TSG101: variants seen among roughly 807,000 people sequenced by gnomAD.
TSG101 encodes tumor susceptibility 101, also known as tumor susceptibility gene 101 protein.
In TSG101, 19 loss-of-function variants were observed where a neutral mutation model predicts 48.5. The ratio of observed to expected loss-of-function variants is 0.39; its 90% CI spans 0.27 to 0.58. The LOEUF (loss-of-function observed/expected upper bound fraction) is 0.58, where lower values mean the gene tolerates loss of function less well. Ranked by LOEUF, TSG101 falls within the 20% of genes least tolerant of loss-of-function variation. The pLI is 0.55. For synonymous variants in TSG101, 174 were observed against 169.4 expected (o/e 1.03, Z -0.21); for missense variants, 365 against 484.4 (o/e 0.75, Z 2.31).
At chr11:18,499,269 ATATATTTATATATATCATATATATT>A (rs1198879768) in intron 7 of TSG101, among the ~76,000 whole-genome samples, 8 of 131,074 alleles carry the variant, frequency 6.1e-5, no homozygotes, top group African/African-American at 1.7e-4. Flanking sequence ...TATATTTTAT[ATATATTTATATATATCATATATATT>A]TATATTTATA....
chr11:18,491,329 GC>G (rs1348368521), intron 7 of TSG101, among the ~76,000 whole-genome samples: 2 of 152,132 alleles, frequency 1.3e-5, no homozygotes, highest in African/African-American at 4.8e-5. Context: ...ATAGGTAACA[GC>G]TCAACCTCTG....
intron 7 of TSG101, among the ~76,000 whole-genome samples, chr11:18,498,465 T>C (rs905594612): frequency 6.6e-6 from 1 of 152,160 alleles, no homozygotes; most frequent in African/African-American, 2.4e-5. Context: ...GCACTGGATA[T>C]GATCAGATTC....
At position 18,516,037 on chromosome 11, in the gene TSG101, T is replaced by C. The variant is rs917777432; in HGVS notation, c.193+62A>G. 24 of 1,455,346 alleles carry C rather than the reference T, an allele frequency of 1.6e-5. No homozygotes were observed. The African/African-American group carries it at 2.7e-4, about 16-fold the overall frequency. 90.2% of individuals were successfully genotyped at this position (1,455,346 alleles called of 1,614,324 possible). ...TAGGTTTAATTTGGTTATAACTCTT[T>C]GGCAACATATTTATTATGTATTCAA... is the stretch of plus-strand genomic sequence containing the variant. On this transcript the variant is annotated intron_variant, in intron 3 of 9. Coordinates refer to ENST00000251968, the MANE Select transcript of TSG101 (RefSeq NM_006292.4).
intron 7 of TSG101, among the ~76,000 whole-genome samples, chr11:18,496,229 C>T (rs1183811572): frequency 6.6e-6 from 1 of 151,786 alleles, no homozygotes; most frequent in Admixed American, 6.6e-5. Flanking sequence ...TTTGGGAGGC[C>T]GAGGCAGGTG....
chr11:18,490,184 C>T (rs1849678279), intron 7 of TSG101: 3 of 307,978 alleles, frequency 9.7e-6, no homozygotes, highest in East Asian at 6.9e-5. Context: ...AAGGGATATA[C>T]GTGGAGGGTA....
Position 18,480,417 on chromosome 11 carries a change from A to C in TSG101, c.*129T>G, listed in dbSNP as rs1849510279. The C allele has an allele frequency of 1.4e-5, 10 of 701,642 alleles. 1 individual carries two copies. The South Asian group carries it at 2.4e-4, about 17-fold the overall frequency. The allele number at this position is 701,642 out of a possible 1,614,324, so 43.5% of individuals were successfully genotyped here. On this transcript the variant is annotated 3_prime_UTR_variant, in exon 10 of 10. Coordinates refer to ENST00000251968, the MANE Select transcript of TSG101 (RefSeq NM_006292.4). ...AGTCTTTACCAAAAGAAAACAGAAA[A>C]TATATTATTGATTCAAAATATTTTA... is the stretch of plus-strand genomic sequence containing the variant.
chr11:18,509,484 AGGTT>A (rs2133924317), intron 5 of TSG101, 54 bp downstream of exon 5: 4 of 1,532,990 alleles, frequency 2.6e-6, no homozygotes, highest in Non-Finnish European at 3.5e-6. Flanking sequence ...TTTTTTACAA[AGGTT>A]TCTGTTCTCT....
At chr11:18,505,236 A>T (rs1488170753) in intron 6 of TSG101, among the ~76,000 whole-genome samples, 2 of 151,614 alleles carry the variant, frequency 1.3e-5, no homozygotes, top group Non-Finnish European at 2.9e-5. Flanking sequence ...TGGAAGTCTC[A>T]TCTTGGCATC....
intron 1 of TSG101, among the ~76,000 whole-genome samples, chr11:18,521,394 G>T (rs1222995141): frequency 2.3e-5 from 3 of 127,814 alleles, no homozygotes; most frequent in East Asian, 5.0e-4. Context: ...TTTGAGATAG[G>T]GTCTCACTCT....
At chr11:18,499,398 A>T (rs370929926) in intron 7 of TSG101, among the ~76,000 whole-genome samples, 974 of 4,940 alleles carry the variant, frequency 0.2, 44 homozygotes, top group Non-Finnish European at 0.3. Flanking sequence ...ATATATATAT[A>T]TATATTTTTT....
intron 7 of TSG101, 142 bp from the exon 8 acceptor site, chr11:18,484,214 T>G: frequency 1.4e-6 from 1 of 739,078 alleles, no homozygotes; most frequent in Non-Finnish European, 2.2e-6. Flanking sequence ...ACCAGTTTCA[T>G]GAGAAATAAT....
At chr11:18,488,019 AT>A (rs1264837430) in intron 7 of TSG101, among the ~76,000 whole-genome samples, 1 of 152,170 alleles carries the variant, frequency 6.6e-6, no homozygotes, top group South Asian at 2.1e-4. Context: ...CAGTAACAGG[AT>A]TTTTCTTTTT....
rs145701738 is a variant in TSG101, at chr11:18,486,022, A to G, written c.641-1950T>C. Among the ~76,000 whole-genome samples, 4 of 152,280 alleles carry G rather than the reference A, an allele frequency of 2.6e-5. No homozygotes were observed. In the East Asian group the frequency reaches 5.8e-4, roughly 22 times the overall value. On this transcript the variant is annotated intron_variant, in intron 7 of 9. Transcript: ENST00000251968. ...AACCAATCAAATGTTGCCTTTTCCA[A>G]TACTACCTATGGCCTGCCCTTCCCC...
rs376769044 is a variant in TSG101 at position 18,481,654 on chromosome 11, C to T, written c.1059G>A (p.Val353=). Reference sequence around the variant, plus strand: ...CCTTCAGGAAGACATCCAGGTCTATCACGCCCCTTCTCAAGGCTTCTCCCA... The same window carrying T: ...CCTTCAGGAAGACATCCAGGTCTATTACGCCCCTTCTCAAGGCTTCTCCCA... The part of the protein sequence containing the change: ...FYLGEALRRG[V]IDLDVFLKHV... The change falls in exon 9 of 10, where the codon GTG becomes GTA. Residue 353 remains valine (V), a synonymous_variant. Coordinates refer to ENST00000251968, the MANE Select transcript of TSG101 (RefSeq NM_006292.4). 54 of 1,614,016 alleles carry T rather than the reference C, an allele frequency of 3.3e-5. No homozygotes were observed. The African/African-American group carries it at 4.1e-4, about 12-fold the overall frequency.
intron 1 of TSG101, among the ~76,000 whole-genome samples, chr11:18,525,022 C>CATCTCAG (rs940759689): frequency 6.6e-6 from 1 of 151,464 alleles, no homozygotes; most frequent in African/African-American, 2.4e-5. Context: ...GCGATTCTCC[C>CATCTCAG]ATCTCAGCCT....
intron 1 of TSG101, among the ~76,000 whole-genome samples, chr11:18,521,857 T>C (rs1390663165): frequency 6.6e-6 from 1 of 151,958 alleles, no homozygotes; most frequent in East Asian, 1.9e-4. Flanking sequence ...TTGTATATTT[T>C]TGATAGAGCT....
intron 7 of TSG101, among the ~76,000 whole-genome samples, chr11:18,501,591 T>G (rs1324267371): frequency 6.6e-6 from 1 of 152,208 alleles, no homozygotes; most frequent in Non-Finnish European, 1.5e-5. Flanking sequence ...CTTTGGCTAT[T>G]TGGCTTCTTT....
At position 18,516,846 on chromosome 11, in the gene TSG101, CAGG is replaced by C. The variant is rs532981218; in HGVS notation, c.128-685_128-683del. 5.9e-5 allele frequency among the ~76,000 whole-genome samples: 9 copies of C among 151,522 alleles called. No homozygotes were observed. In the East Asian group the frequency reaches 1.8e-3, roughly 31 times the overall value. The stretch of plus-strand genomic sequence containing the variant: ...ATCCCAGCTACTCGGAAGGCTGAGG[CAGG>C]AGAATTGCTTGAACCCAGGAGGCAG... On this transcript the variant is annotated intron_variant, in intron 2 of 9. Coordinates refer to ENST00000251968, the MANE Select transcript of TSG101 (RefSeq NM_006292.4).
At chr11:18,508,277 A>G (rs1272439817) in intron 5 of TSG101, among the ~76,000 whole-genome samples, 2 of 145,282 alleles carry the variant, frequency 1.4e-5, no homozygotes, top group African/African-American at 2.6e-5. Context: ...GCTGGAGTGC[A>G]GTAATGCGAT....
Sources: allele counts gnomAD v4.1 joint callset (sites outside exome capture counted in the v4.1 genomes callset), GRCh38; gene constraint gnomAD v4.1.1; transcripts MANE v1.5; gene names NCBI Gene and HGNC (gene_info 2026-07-23, HGNC 2026-07-21).